Variants in ERI1 observed in about 807,000 individuals in gnomAD.
ERI1 encodes the protein 3'-5' exoribonuclease 1.
ERI1 carries 39 observed loss-of-function variants against 39.7 expected under a neutral mutation model. The observed-to-expected ratio is 0.98, with a 90% CI of 0.76 to 1.28. The LOEUF (loss-of-function observed/expected upper bound fraction) is 1.28. Among genes scored for constraint, ERI1 ranks in the 50% most tolerant of loss-of-function variants. ERI1 has a pLI of 0.00. For missense variants in ERI1, 581 were observed against 416.9 expected (o/e 1.39, Z -3.43); for synonymous variants, 204 against 149.6 (o/e 1.36, Z -2.65).
At chr8:9,014,466 C>G (rs983772445) in intron 3 of ERI1, among the ~76,000 whole-genome samples, 9 of 152,318 alleles carry the variant, frequency 5.9e-5, no homozygotes, top group Non-Finnish European at 1.2e-4. Flanking sequence ...CTTTATCTTC[C>G]TGAGTAGCTG....
downstream of ERI1, among the ~76,000 whole-genome samples, chr8:9,033,857 C>T (rs978062201): frequency 8.7e-6 from 1 of 114,534 alleles, no homozygotes; most frequent in Admixed American, 7.5e-5. Flanking sequence ...GAATAAACAT[C>T]TTCCTGTATG....
In ERI1 at chr8:9,032,758, TG is replaced by T. The variant is rs1797678859; in HGVS notation, c.*2725del. ...TTGGAGACCAGGAGAAAAACTGGTA[TG>T]ATTACTGGGGAGGGGAAGAAGCACA... On this transcript the variant is annotated 3_prime_UTR_variant, in exon 7 of 7. Transcript: ENST00000250263. 2 of 152,208 alleles carry T rather than the reference TG, an allele frequency of 1.3e-5. No individual in the cohort carries two copies. Among genetic ancestry groups the T allele is most frequent in the Admixed American group, 6.5e-5 (1 of 15,292 alleles). 9.4% of individuals were successfully genotyped at this position (152,208 alleles called of 1,614,324 possible). A position where few individuals can be genotyped will look rare whatever the true frequency, so the allele number is the denominator to read the frequency against.
intron 5 of ERI1, 90 bp from the exon 6 acceptor site, chr8:9,020,260 G>C (rs1270374933): frequency 6.7e-6 from 4 of 594,300 alleles, no homozygotes; most frequent in Non-Finnish European, 8.2e-6. Context: ...TGAGAAAGTT[G>C]ACATATATAA....
intron 3 of ERI1, chr8:9,096,783 C>G (rs2117493851): frequency 8.1e-6 from 1 of 124,054 alleles, no homozygotes; most frequent in East Asian, 2.9e-4. Context: ...ATTGCATGAT[C>G]ATGGCTCACT....
chr8:9,010,116 A>T (rs2117194791), intron 2 of ERI1, among the ~76,000 whole-genome samples: 1 of 152,320 alleles, frequency 6.6e-6, no homozygotes, highest in Middle Eastern at 3.4e-3. Context: ...AAAGAATTAG[A>T]GAGAATCATA....
At chr8:9,075,928 G>T (rs985119804) in intron 3 of ERI1, among the ~76,000 whole-genome samples, 3 of 152,008 alleles carry the variant, frequency 2.0e-5, no homozygotes, top group African/African-American at 7.3e-5. Flanking sequence ...GTAAGTCACT[G>T]CACTTGGCTT....
At chr8:9,087,126 G>A (rs1799553546) in intron 3 of ERI1, among the ~76,000 whole-genome samples, 1 of 151,866 alleles carries the variant, frequency 6.6e-6, no homozygotes, top group Non-Finnish European at 1.5e-5. Context: ...GTGGTTTGCT[G>A]CACCCACCAA....
chr8:9,007,840 C>A, intron 1 of ERI1, 130 bp from the exon 2 acceptor site: 1 of 1,357,296 alleles, frequency 7.4e-7, no homozygotes, highest in Non-Finnish European at 9.8e-7. Flanking sequence ...CTGCAGTGAA[C>A]ACTTTTCATT....
chr8:9,085,502 C>A (rs1426363819), intron 3 of ERI1, among the ~76,000 whole-genome samples: 2 of 152,046 alleles, frequency 1.3e-5, no homozygotes, highest in Non-Finnish European at 2.9e-5. Context: ...GCCACCGCGC[C>A]CGGCCCTACC....
chr8:9,055,980 G>T (rs765767849), intron 3 of ERI1, among the ~76,000 whole-genome samples: 1 of 152,204 alleles, frequency 6.6e-6, no homozygotes, highest in Non-Finnish European at 1.5e-5. Context: ...GCAGGGGAAG[G>T]TCAGAGAGAA....
chr8:9,070,993 A>T (rs1250325315), intron 3 of ERI1, among the ~76,000 whole-genome samples: 1 of 152,168 alleles, frequency 6.6e-6, no homozygotes, highest in Non-Finnish European at 1.5e-5. Flanking sequence ...CGGAGACTGC[A>T]GAGTGAACGG....
chr8:9,030,186 A>G lies in ERI1; in HGVS notation c.*152A>G. The G allele has an allele frequency of 9.6e-7, 1 of 1,046,142 alleles. No homozygotes were observed. The highest frequency in any genetic ancestry group is 1.7e-5 in the South Asian group (1 of 59,134). The allele number at this position is 1,046,142 out of a possible 1,614,324, so 64.8% of individuals were successfully genotyped here. A position where few individuals can be genotyped will look rare whatever the true frequency, so the allele number is the denominator to read the frequency against. On this transcript the variant is annotated 3_prime_UTR_variant, in exon 7 of 7. Coordinates refer to ENST00000250263, the MANE Select transcript of ERI1 (RefSeq NM_153332.4). ...GATAGAGATAGATACATGTATGTGA[A>G]CAGATTTTGTAGGAAGGCATACTGA...
chr8:9,099,128 C>T (rs967423769), intron 3 of ERI1, among the ~76,000 whole-genome samples: 6 of 152,262 alleles, frequency 3.9e-5, no homozygotes, highest in African/African-American at 1.4e-4. Context: ...AGCCACCACA[C>T]CCGGCCACAA....
In ERI1 at chr8:9,029,860, T is replaced by C; in HGVS notation, c.876T>C (p.Pro292=). 1 of 1,614,240 alleles carries C rather than the reference T, an allele frequency of 6.2e-7. No individual in the cohort carries two copies. The highest frequency in any genetic ancestry group is 1.1e-5 in the South Asian group (1 of 91,088). Residue 292 remains proline, a synonymous_variant, in exon 7 of 7, where the codon CCT becomes CCC. Coordinates refer to ENST00000250263, the MANE Select transcript of ERI1 (RefSeq NM_153332.4). ...EKLGMDYDGR[P]HCGLDDSKNI... ...TAGGAATGGATTATGATGGGCGGCC[T>C]CACTGTGGTCTTGATGACTCTAAGA...
At chr8:9,038,502 G>A (rs1269570959) in intron 3 of ERI1, among the ~76,000 whole-genome samples, 1 of 152,224 alleles carries the variant, frequency 6.6e-6, no homozygotes, top group African/African-American at 2.4e-5. Context: ...GCACATGCCT[G>A]TAATCCTAAC....
At chr8:9,036,879 T>C (rs1797861900), downstream of ERI1, among the ~76,000 whole-genome samples, 2 of 152,164 alleles carry the variant, frequency 1.3e-5, no homozygotes, top group African/African-American at 4.8e-5. Context: ...GTTTTCCCTT[T>C]GGATTTATTT....
chr8:9,098,856 G>C lies in ERI1; in HGVS notation n.300-17492G>C, dbSNP rs531714885. Among the ~76,000 whole-genome samples, 3 of 152,200 alleles carry C rather than the reference G, an allele frequency of 2.0e-5. No individual in the cohort carries two copies. In the South Asian group the frequency reaches 6.2e-4, roughly 32 times the overall value. ...GTTTTTTGTTTGTTTGTTTGTTTCA[G>C]ACAGGCTCTCACTGTCACTCAGACT... On this transcript the variant is annotated intron_variant and non_coding_transcript_variant, in intron 3 of 3. Transcript: ENST00000518663.
intron 3 of ERI1, among the ~76,000 whole-genome samples, chr8:9,068,868 G>A (rs1473299302): frequency 6.6e-6 from 1 of 152,124 alleles, no homozygotes; most frequent in African/African-American, 2.4e-5. Context: ...CCAGGCTGGA[G>A]TACAGTGGTG....
At chr8:9,018,863 G>A (rs1207869968) in intron 5 of ERI1, among the ~76,000 whole-genome samples, 4 of 152,122 alleles carry the variant, frequency 2.6e-5, no homozygotes, top group East Asian at 3.9e-4. Flanking sequence ...GTGTCTTCTC[G>A]ACAACTTTAT....
Sources: allele counts gnomAD v4.1 joint callset (sites outside exome capture counted in the v4.1 genomes callset), GRCh38; gene constraint gnomAD v4.1.1; transcripts MANE v1.5; gene names NCBI Gene and HGNC (gene_info 2026-07-23, HGNC 2026-07-21).